The following BMPR1B variants were observed in gnomAD, a reference collection of about 807,000 sequenced individuals.
BMPR1B encodes bone morphogenetic protein receptor type 1B.
A neutral mutation model predicts 59.1 loss-of-function variants in BMPR1B; 12 were observed. The observed-to-expected ratio is 0.20, with a 90% CI of 0.13 to 0.33. BMPR1B has a LOEUF of 0.33. Ranked by LOEUF, BMPR1B falls within the 10% of genes least tolerant of loss-of-function variation. BMPR1B has a pLI of 1.00. For synonymous variants in BMPR1B, 237 were observed against 207.3 expected (o/e 1.14, Z -1.23); for missense variants, 550 against 610.9 (o/e 0.90, Z 1.05).
At chr4:95,140,417 C>T (rs563362046) in intron 10 of BMPR1B, among the ~76,000 whole-genome samples, 12 of 152,210 alleles carry the variant, frequency 7.9e-5, no homozygotes, top group African/African-American at 2.6e-4. Context: ...CTTTCTTTTG[C>T]GAAACTGAGC....
At chr4:95,117,313 G>T (rs1159211492) in intron 6 of BMPR1B, among the ~76,000 whole-genome samples, 1 of 152,146 alleles carries the variant, frequency 6.6e-6, no homozygotes, top group Admixed American at 6.5e-5. Context: ...TTAAAGATAA[G>T]GAAAACACAG....
intron 1 of BMPR1B, among the ~76,000 whole-genome samples, chr4:94,759,650 G>T (rs78807537): frequency 0.017 from 2,609 of 152,224 alleles, 72 homozygotes; most frequent in African/African-American, 0.058. Context: ...TGATCAAGAA[G>T]AATTATTTCT....
intron 3 of BMPR1B, among the ~76,000 whole-genome samples, chr4:95,033,303 T>A (rs545710667): frequency 7.3e-6 from 1 of 137,858 alleles, no homozygotes; most frequent in Non-Finnish European, 1.7e-5. Flanking sequence ...GTCCAGTTTA[T>A]CTTTTTTTTT....
chr4:94,880,446 T>C (rs975771451), intron 2 of BMPR1B, among the ~76,000 whole-genome samples: 1 of 151,950 alleles, frequency 6.6e-6, no homozygotes, highest in Non-Finnish European at 1.5e-5. Context: ...CTCAGCCTCC[T>C]GAGTAGCAGG....
At chr4:95,139,295 C>T (rs1453620529) in intron 10 of BMPR1B, among the ~76,000 whole-genome samples, 7 of 152,248 alleles carry the variant, frequency 4.6e-5, no homozygotes, top group African/African-American at 1.2e-4. Context: ...CAGAGGGGCA[C>T]CTGGCTGTAT....
intron 6 of BMPR1B, 142 bp downstream of exon 6, chr4:95,115,929 A>G: frequency 2.7e-6 from 2 of 753,482 alleles, no homozygotes; most frequent in African/African-American, 1.7e-5. Flanking sequence ...ACATGGAACC[A>G]TCATTCGAAG....
intron 4 of BMPR1B, among the ~76,000 whole-genome samples, chr4:95,112,285 T>A (rs1439430559): frequency 6.6e-6 from 1 of 152,072 alleles, no homozygotes; most frequent in Non-Finnish European, 1.5e-5. Context: ...GGTAACAATC[T>A]CTATACAAAA....
chr4:95,042,407 A>G (rs1269465334), intron 3 of BMPR1B, among the ~76,000 whole-genome samples: 1 of 152,098 alleles, frequency 6.6e-6, no homozygotes, highest in Non-Finnish European at 1.5e-5. Flanking sequence ...ATGTATACAA[A>G]CTTCATTTCA....
At chr4:95,067,446 G>A (rs548795989) in intron 3 of BMPR1B, among the ~76,000 whole-genome samples, 93 of 152,178 alleles carry the variant, frequency 6.1e-4, no homozygotes, top group African/African-American at 1.9e-3. Context: ...AAACCTAGTC[G>A]GCCAAGAAGT....
At chr4:94,811,667 T>G (rs1264380602) in intron 1 of BMPR1B, among the ~76,000 whole-genome samples, 1 of 152,176 alleles carries the variant, frequency 6.6e-6, no homozygotes, top group Non-Finnish European at 1.5e-5. Flanking sequence ...GTTCTAAGTT[T>G]TAAAGAACTG....
At chr4:94,861,497 ACCTGTGCTCAGAC>A (rs1725975523) in intron 1 of BMPR1B, among the ~76,000 whole-genome samples, 1 of 152,122 alleles carries the variant, frequency 6.6e-6, no homozygotes, top group Admixed American at 6.5e-5. Flanking sequence ...ATTCTAGAAT[ACCTGTGCTCAGAC>A]CCTGTGCTCA....
chr4:94,833,192 C>CAAAAA (rs60473542), intron 1 of BMPR1B, among the ~76,000 whole-genome samples: 47 of 133,002 alleles, frequency 3.5e-4, no homozygotes, highest in African/African-American at 1.1e-3. Flanking sequence ...GACTCTTTCT[C>CAAAAA]AAAAAAAAAA....
chr4:94,964,845 G>T (rs961155647), intron 2 of BMPR1B, among the ~76,000 whole-genome samples: 1 of 152,126 alleles, frequency 6.6e-6, no homozygotes, highest in African/African-American at 2.4e-5. Flanking sequence ...CGCTTTCAGT[G>T]TTCCCTTCTA....
At chr4:94,839,900 G>T (rs28879759) in intron 1 of BMPR1B, among the ~76,000 whole-genome samples, 22 of 151,716 alleles carry the variant, frequency 1.5e-4, no homozygotes, top group African/African-American at 2.9e-4. Context: ...GGCTGGTACC[G>T]GTTGTTCCTT....
intron 3 of BMPR1B, among the ~76,000 whole-genome samples, chr4:95,018,601 T>G (rs562984861): frequency 1.2e-4 from 18 of 152,298 alleles, no homozygotes; most frequent in African/African-American, 4.3e-4. Context: ...GTATTTTGCA[T>G]CCCTGTGAAA....
At chr4:95,008,909 G>T (rs1297849180) in intron 3 of BMPR1B, among the ~76,000 whole-genome samples, 1 of 152,048 alleles carries the variant, frequency 6.6e-6, no homozygotes, top group Non-Finnish European at 1.5e-5. Flanking sequence ...AGTGATGAGG[G>T]TTGGGCACAG....
chr4:94,782,804 G>C (rs1473100342), intron 1 of BMPR1B, among the ~76,000 whole-genome samples: 1 of 152,104 alleles, frequency 6.6e-6, no homozygotes, highest in African/African-American at 2.4e-5. Flanking sequence ...TCTCTCACAG[G>C]TAGTTTCTGG....
At chr4:94,901,806 A>T (rs950814519) in intron 2 of BMPR1B, among the ~76,000 whole-genome samples, 2 of 151,952 alleles carry the variant, frequency 1.3e-5, no homozygotes, top group African/African-American at 4.8e-5. Flanking sequence ...CTCTGACCCA[A>T]CACTTCCATA....
intron 2 of BMPR1B, among the ~76,000 whole-genome samples, chr4:94,939,935 C>T (rs1032778807): frequency 2.6e-5 from 4 of 152,116 alleles, no homozygotes; most frequent in Non-Finnish European, 5.9e-5. Context: ...TCACTGTGAT[C>T]AGTGCTTTAA....
Sources: allele counts gnomAD v4.1 joint callset (sites outside exome capture counted in the v4.1 genomes callset), GRCh38; gene constraint gnomAD v4.1.1; transcripts MANE v1.5; gene names NCBI Gene and HGNC (gene_info 2026-07-23, HGNC 2026-07-21).